STXBP5L: variants seen among roughly 807,000 people sequenced by gnomAD.
STXBP5L encodes the protein syntaxin-binding protein 5-like.
Under a neutral mutation model 144.5 loss-of-function variants are expected in STXBP5L, and 65 were observed. The observed-to-expected ratio is 0.45, with a 90% confidence interval of 0.37 to 0.55. The LOEUF (loss-of-function observed/expected upper bound fraction) is 0.55. Ranked by LOEUF, STXBP5L falls within the 20% of genes least tolerant of loss-of-function variation. The pLI, the probability that STXBP5L is intolerant of heterozygous loss-of-function variation, is 0.00. For missense variants in STXBP5L, 1,298 were observed against 1,405.5 expected, an observed-to-expected ratio of 0.92 and a Z score of 1.22; for synonymous variants, 505 against 469.6, an observed-to-expected ratio of 1.08 and a Z score of -0.97.
intron 2 of STXBP5L, among the ~76,000 whole-genome samples, chr3:120,920,794 C>T (rs1709324608): frequency 6.6e-6 from 1 of 151,824 alleles, no homozygotes; most frequent in Non-Finnish European, 1.5e-5. Context: ...TCATTACATT[C>T]ATGTTACTGC....
At chr3:121,074,579 G>A (rs2041943705) in intron 5 of STXBP5L, among the ~76,000 whole-genome samples, 1 of 152,048 alleles carries the variant, frequency 6.6e-6, no homozygotes, top group South Asian at 2.1e-4. Context: ...CTAGCCTGGG[G>A]GACTGTCTTC....
At position 121,108,654 on chromosome 3, in the gene STXBP5L, A is replaced by G. The variant is rs2043827771; in HGVS notation, c.471-6271A>G. ...GAGGGTTTTTGCATTGATGTTCATC[A>G]GGATATTGGCCTGAAGTTTCTTTTT... On this transcript the variant is annotated intron_variant, in intron 5 of 26. Transcript: ENST00000471454. Among the ~76,000 whole-genome samples the G allele has an allele frequency of 2.6e-5, 4 of 152,076 alleles. No individual in the cohort carries two copies. In the South Asian group the frequency reaches 8.3e-4, roughly 31 times the overall value.
intron 14 of STXBP5L, among the ~76,000 whole-genome samples, chr3:121,248,539 T>C (rs768005278): frequency 2.0e-5 from 3 of 152,218 alleles, no homozygotes; most frequent in Non-Finnish European, 4.4e-5. Context: ...TTCTGGGTAT[T>C]AGACATACTT....
At chr3:121,367,395 T>C (rs1455285784) in intron 20 of STXBP5L, among the ~76,000 whole-genome samples, 2 of 152,118 alleles carry the variant, frequency 1.3e-5, no homozygotes, top group Non-Finnish European at 2.9e-5. Flanking sequence ...AAGGACACTT[T>C]TGCCAGATAT....
chr3:121,056,751 G>GT (rs921308922), intron 5 of STXBP5L, among the ~76,000 whole-genome samples: 1 of 151,766 alleles, frequency 6.6e-6, no homozygotes, highest in East Asian at 1.9e-4. Context: ...TAATTAATTT[G>GT]TTTTTTCTTT....
intron 5 of STXBP5L, among the ~76,000 whole-genome samples, chr3:121,077,940 A>T (rs1216869011): frequency 1.3e-5 from 2 of 151,872 alleles, no homozygotes; most frequent in Non-Finnish European, 2.9e-5. Flanking sequence ...TTAGCTAGAC[A>T]TAAAGATTCT....
rs916013031 is a variant in STXBP5L, at chr3:121,045,687, G to T, written c.470+152G>T. 5.6e-6 allele frequency: 4 copies of T among 714,346 alleles called. No individual in the cohort carries two copies. In the Admixed American group the frequency reaches 1.2e-4, roughly 22 times the overall value. The allele number at this position is 714,346 out of a possible 1,614,324, so 44.3% of individuals were successfully genotyped here. A position where few individuals can be genotyped will look rare whatever the true frequency, so the allele number is the denominator to read the frequency against. ...TTACTTTCATAGTGTTTTCTTTTTTGTAGAAAATGCGTAATTGATATAGAT... is the reference window on the plus strand; with the variant it reads ...TTACTTTCATAGTGTTTTCTTTTTTTTAGAAAATGCGTAATTGATATAGAT... On this transcript the variant is annotated intron_variant, in intron 5 of 26. Transcript: ENST00000471454.
intron 11 of STXBP5L, among the ~76,000 whole-genome samples, chr3:121,225,103 T>C (rs573528520): frequency 6.6e-6 from 1 of 152,210 alleles, no homozygotes; most frequent in South Asian, 2.1e-4. Flanking sequence ...AGCTAGGAGA[T>C]GTACTTTAAC....
In STXBP5L at chr3:120,909,731, G is replaced by A. The variant is rs766246463; in HGVS notation, c.153G>A (p.Gln51=). Residue 51 remains glutamine (Q), a synonymous_variant, in exon 2 of 27, where the codon CAG becomes CAA. Transcript: ENST00000471454. ...CAGGGGTTCTCAGAGAGGAAATTCA[G>A]GAAACTTTGACTTCGGAGTATTTCC... is the stretch of plus-strand genomic sequence containing the variant. ...GTAGVLREEI[Q]ETLTSEYFQI... is the part of the protein sequence containing the mutation. 6.2e-7 allele frequency: 1 copy of A among 1,611,582 alleles called. No homozygotes were observed. The highest frequency in any genetic ancestry group is 1.1e-5 in the South Asian group (1 of 90,554).
intron 23 of STXBP5L, among the ~76,000 whole-genome samples, chr3:121,409,414 A>G (rs541994701): frequency 6.6e-6 from 1 of 151,940 alleles, no homozygotes; most frequent in Non-Finnish European, 1.5e-5. Flanking sequence ...AGAAAAAAAC[A>G]GTAGATCTCA....
At chr3:121,405,176 GA>G (rs1295761981) in intron 22 of STXBP5L, among the ~76,000 whole-genome samples, 1 of 152,056 alleles carries the variant, frequency 6.6e-6, no homozygotes, top group Non-Finnish European at 1.5e-5. Flanking sequence ...TCTTCAAATA[GA>G]TCCATAGTGG....
At position 121,368,303 on chromosome 3, in the gene STXBP5L, G is replaced by T. The variant is rs192209989; in HGVS notation, c.2177-10413G>T. Among the ~76,000 whole-genome samples the T allele has an allele frequency of 6.7e-4, 102 of 152,048 alleles. 1 individual carries two copies. The highest frequency in any genetic ancestry group is 1.6e-4 in the Non-Finnish European group (11 of 67,964). Reference sequence around the variant, plus strand: ...TTCATTTCGGTTATTATACTTTTAAGCTCCAGAGTTTCTTTCTGGTTTCTT... The same window carrying T: ...TTCATTTCGGTTATTATACTTTTAATCTCCAGAGTTTCTTTCTGGTTTCTT... On this transcript the variant is annotated intron_variant, in intron 20 of 26. Coordinates refer to ENST00000471454, the MANE Select transcript of STXBP5L (RefSeq NM_001308330.2).
intron 18 of STXBP5L, among the ~76,000 whole-genome samples, chr3:121,259,776 C>G (rs2108388790): frequency 6.6e-6 from 1 of 150,406 alleles, no homozygotes; most frequent in African/African-American, 2.4e-5. Context: ...TTCATGTATG[C>G]CAGTTTGTAT....
At chr3:121,123,203 AG>A (rs1245224692) in intron 7 of STXBP5L, among the ~76,000 whole-genome samples, 1 of 151,550 alleles carries the variant, frequency 6.6e-6, no homozygotes, top group Admixed American at 6.6e-5. Context: ...TTAAAATATC[AG>A]AGAATGGAAA....
chr3:120,980,771 A>G (rs1042395739), intron 3 of STXBP5L, among the ~76,000 whole-genome samples: 2 of 152,040 alleles, frequency 1.3e-5, no homozygotes, highest in Non-Finnish European at 2.9e-5. Flanking sequence ...GATGGTTTGC[A>G]ATCTTGGTTG....
intron 20 of STXBP5L, among the ~76,000 whole-genome samples, chr3:121,348,874 G>A (rs1407607381): frequency 6.6e-6 from 1 of 151,870 alleles, no homozygotes; most frequent in East Asian, 1.9e-4. Flanking sequence ...CTTACTAGCA[G>A]TCTATCAATT....
At position 121,223,093 on chromosome 3, in the gene STXBP5L, A is replaced by C. The variant is rs1577248622; in HGVS notation, c.1047A>C (p.Thr349=). 5 of 1,612,806 alleles carry C rather than the reference A, an allele frequency of 3.1e-6. No homozygotes were observed. In the East Asian group the frequency reaches 1.1e-4, roughly 36 times the overall value. ...CCATCATGCATGGAAAAGCAATTACAGTACTTGAAATGGATCATCCTATTG... is the reference window on the plus strand; with the variant it reads ...CCATCATGCATGGAAAAGCAATTACCGTACTTGAAATGGATCATCCTATTG... ...SLTIMHGKAI[T]VLEMDHPIVE... Residue 349 remains threonine (T), a synonymous_variant, in exon 11 of 27, where the codon ACA becomes ACC. Coordinates refer to ENST00000471454, the MANE Select transcript of STXBP5L (RefSeq NM_001308330.2).
intron 10 of STXBP5L, among the ~76,000 whole-genome samples, chr3:121,221,480 T>C (rs2048971287): frequency 6.6e-6 from 1 of 151,644 alleles, no homozygotes; most frequent in Non-Finnish European, 1.5e-5. Context: ...AAGCTTAATA[T>C]TATTATTAAT....
intron 10 of STXBP5L, among the ~76,000 whole-genome samples, chr3:121,214,416 CT>C: frequency 6.6e-6 from 1 of 152,224 alleles, no homozygotes; most frequent in Middle Eastern, 3.4e-3. Context: ...TGTCTTTGTT[CT>C]CATTGGTTTC....
Sources: allele counts gnomAD v4.1 joint callset (sites outside exome capture counted in the v4.1 genomes callset), GRCh38; gene constraint gnomAD v4.1.1; transcripts MANE v1.5; gene names NCBI Gene and HGNC (gene_info 2026-07-23, HGNC 2026-07-21).